The following RNGTT variants were observed in gnomAD, a reference collection of about 807,000 sequenced individuals.
RNGTT encodes the protein mRNA-capping enzyme.
A neutral mutation model predicts 79.3 loss-of-function variants in RNGTT; 33 were observed. The ratio of observed to expected loss-of-function variants is 0.42; its 90% confidence interval spans 0.32 to 0.56. The LOEUF (loss-of-function observed/expected upper bound fraction) is 0.56, where lower values mean the gene tolerates loss of function less well. RNGTT is among the 20% of genes least tolerant of loss of function. The pLI is 0.17. For synonymous variants in RNGTT, 222 were observed against 235.9 expected (o/e 0.94, Z 0.54); for missense variants, 497 against 739.1 (o/e 0.67, Z 3.80).
intron 1 of RNGTT, among the ~76,000 whole-genome samples, chr6:88,960,954 C>T (rs1405954650): frequency 6.6e-6 from 1 of 152,176 alleles, no homozygotes; most frequent in Non-Finnish European, 1.5e-5. Context: ...TGAGTGTCAA[C>T]TCGATTGGAT....
In RNGTT at chr6:88,708,934, T is replaced by G. The variant is rs115045595; in HGVS notation, c.1440-30515A>C. Among the ~76,000 whole-genome samples the G allele has an allele frequency of 5.5e-3, 833 of 152,176 alleles. 8 individuals carry two copies. The highest frequency in any genetic ancestry group is 0.017 in the African/African-American group (723 of 41,512). On this transcript the variant is annotated intron_variant, in intron 13 of 15. Transcript: ENST00000369485. ...ACACATTTCACCTCTTCGAAACACA[T>G]AGTATTATTCATATTCACTTAGGGA... is the stretch of plus-strand genomic sequence containing the variant.
At chr6:88,668,655 G>A (rs1774510482) in intron 14 of RNGTT, among the ~76,000 whole-genome samples, 1 of 152,160 alleles carries the variant, frequency 6.6e-6, no homozygotes, top group South Asian at 2.1e-4. Context: ...CCAACCTCAT[G>A]TGTCTTACAA....
intron 14 of RNGTT, among the ~76,000 whole-genome samples, chr6:88,651,821 C>G (rs1040893536): frequency 4.6e-5 from 7 of 151,926 alleles, no homozygotes. Context: ...ACTTAGAAAG[C>G]AAATCTGATG....
chr6:88,955,954 T>C (rs187812704), intron 1 of RNGTT, among the ~76,000 whole-genome samples: 23 of 141,812 alleles, frequency 1.6e-4, no homozygotes, highest in Admixed American at 8.4e-4. Flanking sequence ...GGCAGGAGAA[T>C]CACTTGAACC....
chr6:88,792,930 G>A (rs1367382559), intron 12 of RNGTT, among the ~76,000 whole-genome samples: 3 of 152,116 alleles, frequency 2.0e-5, no homozygotes, highest in East Asian at 1.9e-4. Context: ...GGATGGCACC[G>A]TTAATATATA....
intron 1 of RNGTT, among the ~76,000 whole-genome samples, chr6:88,948,990 C>T (rs1785133245): frequency 9.7e-6 from 1 of 103,300 alleles, no homozygotes; most frequent in Non-Finnish European, 1.9e-5. Context: ...GCCGCAGGGT[C>T]CTCTGCCTAG....
intron 14 of RNGTT, among the ~76,000 whole-genome samples, chr6:88,660,682 C>T (rs1172868934): frequency 6.6e-6 from 1 of 152,104 alleles, no homozygotes; most frequent in Non-Finnish European, 1.5e-5. Context: ...TACTACTAGA[C>T]CTAAGAAACG....
rs185607321 is a variant in RNGTT at position 88,669,435 on chromosome 6, C to A, written c.1506+8918G>T. On this transcript the variant is annotated intron_variant, in intron 14 of 15. Transcript: ENST00000369485. The stretch of plus-strand genomic sequence containing the variant: ...AGGCCCACACTGGTAACTTTTGGGT[C>A]TTAAAAACCTCAATTATTGGGCAAT... Among the ~76,000 whole-genome samples, 295 of 152,260 alleles carry A rather than the reference C, an allele frequency of 1.9e-3. 4 individuals carry two copies. Among genetic ancestry groups the A allele is most frequent in the African/African-American group, 7.0e-3 (289 of 41,542 alleles).
At chr6:88,880,354 G>T (rs1782658364) in intron 8 of RNGTT, among the ~76,000 whole-genome samples, 1 of 152,150 alleles carries the variant, frequency 6.6e-6, no homozygotes. Context: ...ATAAAAAGCT[G>T]AATATAAATT....
intron 4 of RNGTT, among the ~76,000 whole-genome samples, chr6:88,911,249 T>A (rs76084178): frequency 6.6e-6 from 1 of 152,122 alleles, no homozygotes; most frequent in South Asian, 2.1e-4. Context: ...TTCAGGAAAC[T>A]AACTCATACC....
At chr6:88,843,807 T>A (rs997506243) in intron 11 of RNGTT, among the ~76,000 whole-genome samples, 1 of 151,492 alleles carries the variant, frequency 6.6e-6, no homozygotes, top group African/African-American at 2.4e-5. Flanking sequence ...CTGCCCGCCT[T>A]GGCCTCCCAA....
chr6:88,888,666 GAACA>G (rs1214811142), intron 8 of RNGTT, among the ~76,000 whole-genome samples: 16 of 152,056 alleles, frequency 1.1e-4, no homozygotes, highest in African/African-American at 3.6e-4. Flanking sequence ...AAAATAATAT[GAACA>G]AATAAACATA....
intron 14 of RNGTT, among the ~76,000 whole-genome samples, chr6:88,630,361 C>G (rs1225858182): frequency 6.6e-6 from 1 of 152,232 alleles, no homozygotes; most frequent in Non-Finnish European, 1.5e-5. Flanking sequence ...TTATCACTAT[C>G]ATTTCCATTT....
intron 14 of RNGTT, among the ~76,000 whole-genome samples, chr6:88,660,149 AG>A (rs1774126142): frequency 1.3e-5 from 2 of 152,318 alleles, no homozygotes; most frequent in South Asian, 4.1e-4. Flanking sequence ...ATGCTAAAAA[AG>A]TTCTAAATCT....
chr6:88,678,270 T>G (rs146368010), intron 14 of RNGTT, 83 bp downstream of exon 14: 13 of 1,537,776 alleles, frequency 8.5e-6, no homozygotes, highest in Non-Finnish European at 1.1e-5. Flanking sequence ...TATTTTTATA[T>G]GTTGATTATT....
At chr6:88,898,473 C>T (rs12206729) in intron 6 of RNGTT, among the ~76,000 whole-genome samples, 3 of 151,978 alleles carry the variant, frequency 2.0e-5, no homozygotes, top group Non-Finnish European at 4.4e-5. Flanking sequence ...TCCAAGATCT[C>T]TAATTTGTTC....
At chr6:88,808,293 A>G (rs1411306387) in intron 11 of RNGTT, among the ~76,000 whole-genome samples, 1 of 152,214 alleles carries the variant, frequency 6.6e-6, no homozygotes, top group African/African-American at 2.4e-5. Context: ...AACCCCAACT[A>G]GGAAGTGGCA....
chr6:88,829,714 A>C (rs1327146312), intron 11 of RNGTT, among the ~76,000 whole-genome samples: 1 of 150,908 alleles, frequency 6.6e-6, no homozygotes, highest in African/African-American at 2.4e-5. Flanking sequence ...AAAAAAAAAA[A>C]AAAAAAAAAA....
intron 12 of RNGTT, among the ~76,000 whole-genome samples, chr6:88,785,045 T>C (rs1456158480): frequency 6.6e-6 from 1 of 152,086 alleles, no homozygotes; most frequent in East Asian, 1.9e-4. Flanking sequence ...GGTTTAAAAA[T>C]TAAAATTATA....
Sources: gnomAD v4.1 joint callset for allele counts (sites outside exome capture counted in the v4.1 genomes callset) on GRCh38, gnomAD v4.1.1 for gene constraint, MANE v1.5 for transcripts, NCBI Gene and HGNC (gene_info 2026-07-23, HGNC 2026-07-21) for gene names.